UBTD1: variants seen among roughly 807,000 people sequenced by gnomAD.
The protein encoded by UBTD1 is ubiquitin domain-containing protein 1.
Under a neutral mutation model 21.7 loss-of-function variants are expected in UBTD1, and 19 were observed. The observed-to-expected ratio is 0.87, with a 90% CI of 0.61 to 1.28. The LOEUF (loss-of-function observed/expected upper bound fraction) is 1.28, where lower values mean the gene tolerates loss of function less well. Among genes scored for constraint, UBTD1 ranks in the 50% most tolerant of loss-of-function variants. The pLI is 0.00. For missense variants in UBTD1, 282 were observed against 315.1 expected (o/e 0.89, Z 0.80); for synonymous variants, 116 against 135.1 (o/e 0.86, Z 0.98).
At chr10:97,566,739 G>A (rs1029311036) in intron 1 of UBTD1, among the ~76,000 whole-genome samples, 1 of 152,176 alleles carries the variant, frequency 6.6e-6, no homozygotes, top group African/African-American at 2.4e-5. Context: ...CAGCCTGGTG[G>A]TGGCCCCCAG....
intron 1 of UBTD1, among the ~76,000 whole-genome samples, chr10:97,532,135 C>T (rs2040534751): frequency 6.6e-6 from 1 of 152,186 alleles, no homozygotes; most frequent in Non-Finnish European, 1.5e-5. Flanking sequence ...GGGGGGCTGA[C>T]TGGGCCGGGA....
intron 1 of UBTD1, among the ~76,000 whole-genome samples, chr10:97,536,838 G>A (rs147788534): frequency 3.9e-5 from 6 of 152,066 alleles, no homozygotes; most frequent in East Asian, 3.9e-4. Flanking sequence ...GCCACTTCCT[G>A]CTTGTCCAGT....
At chr10:97,519,399 C>T (rs2040457664) in intron 1 of UBTD1, among the ~76,000 whole-genome samples, 1 of 152,234 alleles carries the variant, frequency 6.6e-6, no homozygotes, top group Non-Finnish European at 1.5e-5. Flanking sequence ...TGACTTTTCT[C>T]TGACGATCTT....
chr10:97,539,946 C>T (rs1054840507), intron 1 of UBTD1, among the ~76,000 whole-genome samples: 7 of 152,222 alleles, frequency 4.6e-5, no homozygotes, highest in Non-Finnish European at 1.0e-4. Flanking sequence ...GCCCGAGGCC[C>T]TTCCAAACAA....
intron 1 of UBTD1, among the ~76,000 whole-genome samples, chr10:97,539,866 C>T (rs2040579636): frequency 1.3e-5 from 2 of 152,144 alleles, no homozygotes. Context: ...GCTCTGTCAC[C>T]GTTAGCTCCC....
chr10:97,530,189 A>G (rs1044074677), intron 1 of UBTD1, among the ~76,000 whole-genome samples: 1 of 143,630 alleles, frequency 7.0e-6, no homozygotes, highest in Admixed American at 7.3e-5. Flanking sequence ...TAGAAGCTCA[A>G]TACATGTTTC....
intron 1 of UBTD1, among the ~76,000 whole-genome samples, chr10:97,534,534 A>G (rs1020311321): frequency 6.6e-6 from 1 of 151,750 alleles, no homozygotes; most frequent in African/African-American, 2.4e-5. Context: ...ACCACACCAC[A>G]TTCAAGCCAA....
chr10:97,543,514 G>A (rs545049421), intron 1 of UBTD1, among the ~76,000 whole-genome samples: 69 of 152,336 alleles, frequency 4.5e-4, no homozygotes, highest in Middle Eastern at 6.8e-3. Context: ...TTCACACTTC[G>A]TACAGAAATT....
Position 97,570,200 on chromosome 10 carries a change from T to G in UBTD1, c.361T>G (p.Ser121Ala). ...CTACCAGCTGCCCATCTACTGCCTG[T>G]CACCGCCGGTGAACCTGCTGCTGGA... ...NRYQLPIYCL[S>A]PPVNLLLEHT... The change falls in exon 3 of 3, where the codon TCA (serine) becomes GCA (alanine). Residue 121 changes from serine (S) to alanine (A), a missense_variant. Physicochemically the swap from Ser to Ala is moderately conservative, Grantham distance 99. Coordinates refer to ENST00000370664, the MANE Select transcript of UBTD1 (RefSeq NM_024954.5). This position sits in a 1 kb window ranked among gnomAD's most constrained non-coding sequence, Gnocchi z 6.6. 1 of 1,613,090 alleles carries G rather than the reference T, an allele frequency of 6.2e-7. No individual in the cohort carries two copies. The highest frequency in any genetic ancestry group is 8.5e-7 in the Non-Finnish European group (1 of 1,179,880).
intron 2 of UBTD1, among the ~76,000 whole-genome samples, chr10:97,569,753 C>T (rs974570947): frequency 6.6e-6 from 1 of 151,958 alleles, no homozygotes; most frequent in African/African-American, 2.4e-5. Context: ...ACATGGGGAG[C>T]GAGTGGAGAG....
chr10:97,530,456 G>A (rs1394341012), intron 1 of UBTD1, among the ~76,000 whole-genome samples: 1 of 152,172 alleles, frequency 6.6e-6, no homozygotes, highest in Non-Finnish European at 1.5e-5. Context: ...TTTTACAAAA[G>A]CATACTTTAT....
intron 1 of UBTD1, among the ~76,000 whole-genome samples, chr10:97,550,984 T>C (rs530689519): frequency 5.4e-4 from 82 of 152,296 alleles, no homozygotes; most frequent in African/African-American, 1.9e-3. Context: ...CTGGAGACCA[T>C]GTGTTGAACT....
intron 1 of UBTD1, among the ~76,000 whole-genome samples, chr10:97,518,809 C>G (rs1353625193): frequency 2.0e-5 from 3 of 152,202 alleles, no homozygotes; most frequent in East Asian, 1.9e-4. Flanking sequence ...GAGAAATAAG[C>G]ACAATAAGGC....
chr10:97,568,833 T>G (rs1438094925), intron 2 of UBTD1, among the ~76,000 whole-genome samples: 1 of 152,046 alleles, frequency 6.6e-6, no homozygotes, highest in Non-Finnish European at 1.5e-5. Flanking sequence ...TTGAGTTTCT[T>G]TTTTTTTGAG....
At chr10:97,503,377 A>C (rs1307675134) in intron 1 of UBTD1, among the ~76,000 whole-genome samples, 1 of 152,168 alleles carries the variant, frequency 6.6e-6, no homozygotes, top group Non-Finnish European at 1.5e-5. Flanking sequence ...TAGGTAGATA[A>C]ATATCTCTGC....
chr10:97,527,784 ACAGGATCC>A (rs1274729312), intron 1 of UBTD1, among the ~76,000 whole-genome samples: 4 of 152,172 alleles, frequency 2.6e-5, no homozygotes, highest in Non-Finnish European at 4.4e-5. Flanking sequence ...TCATAGATCA[ACAGGATCC>A]CAAGGCAGAA....
intron 1 of UBTD1, among the ~76,000 whole-genome samples, chr10:97,502,821 ATGTGTG>A (rs1197564361): frequency 6.7e-6 from 1 of 148,446 alleles, no homozygotes; most frequent in African/African-American, 2.5e-5. Context: ...TGTCACTCAT[ATGTGTG>A]TGTGTGCGTA....
chr10:97,549,868 T>C (rs969250087), intron 1 of UBTD1, among the ~76,000 whole-genome samples: 1 of 152,222 alleles, frequency 6.6e-6, no homozygotes, highest in African/African-American at 2.4e-5. Context: ...TAAGTCTAAC[T>C]ATAAATATCG....
At chr10:97,547,342 A>G (rs930368123) in intron 1 of UBTD1, among the ~76,000 whole-genome samples, 1 of 151,808 alleles carries the variant, frequency 6.6e-6, no homozygotes, top group Non-Finnish European at 1.5e-5. Flanking sequence ...GATACAGGAG[A>G]CCTTTCTAGC....
Sources: gnomAD v4.1 joint callset for allele counts (sites outside exome capture counted in the v4.1 genomes callset) on GRCh38, gnomAD v4.1.1 for gene constraint, Gnocchi (gnomAD v3.1) non-coding constraint, MANE v1.5 for transcripts, NCBI Gene and HGNC (gene_info 2026-07-23, HGNC 2026-07-21) for gene names.